The following VPS54 variants were observed in gnomAD, a reference collection of about 807,000 sequenced individuals.
The protein encoded by VPS54 is VPS54 subunit of GARP complex.
In VPS54, 45 loss-of-function variants were observed where a neutral mutation model predicts 121.5. That is an observed-to-expected ratio of 0.37 (90% confidence interval 0.29 to 0.47). The LOEUF is 0.47. VPS54 is among the 20% of genes least tolerant of loss of function. The probability of loss-of-function intolerance (pLI) is 0.99; values close to 1 mark genes in which losing one functional copy is unlikely to be tolerated. For missense variants in VPS54, 1,090 were observed against 1,131.4 expected, an observed-to-expected ratio of 0.96 and a Z score of 0.52; for synonymous variants, 371 against 385.8, an observed-to-expected ratio of 0.96 and a Z score of 0.45.
chr2:63,928,481 G>C (rs1674023650), intron 12 of VPS54, among the ~76,000 whole-genome samples: 1 of 152,136 alleles, frequency 6.6e-6, no homozygotes, highest in African/African-American at 2.4e-5. Context: ...TCACCACCAG[G>C]CCTGCCTTAC....
At chr2:63,971,590 T>A (rs1676286307) in intron 4 of VPS54, among the ~76,000 whole-genome samples, 1 of 152,232 alleles carries the variant, frequency 6.6e-6, no homozygotes, top group South Asian at 2.1e-4. Flanking sequence ...CATAAATGTT[T>A]CAAACTAACG....
chr2:63,988,342 A>G (rs139087920), intron 1 of VPS54, among the ~76,000 whole-genome samples: 1 of 152,348 alleles, frequency 6.6e-6, no homozygotes, highest in East Asian at 1.9e-4. Context: ...CATTCCTGAA[A>G]TAAATCCCAC....
intron 3 of VPS54, among the ~76,000 whole-genome samples, chr2:63,976,813 C>A (rs181872274): frequency 0.012 from 1,746 of 140,636 alleles, 16 homozygotes; most frequent in Non-Finnish European, 0.015. Flanking sequence ...ATACTAGTAG[C>A]TTATATCTTC....
In VPS54 at chr2:63,957,441, C is replaced by CAAA. The variant is rs10551633; in HGVS notation, c.1010+4614_1010+4616dup. On this transcript the variant is annotated intron_variant, in intron 7 of 22. Coordinates refer to ENST00000272322, the MANE Select transcript of VPS54 (RefSeq NM_016516.3). ...TGGGCAACAGAGCAAGACTCCATCT[C>CAAA]AAAAAAAAAAAAAAAAAAAATTTAT... is the stretch of plus-strand genomic sequence containing the variant. Among the ~76,000 whole-genome samples, 289 of 90,128 alleles carry CAAA rather than the reference C, an allele frequency of 3.2e-3. 2 individuals are homozygous for CAAA. The highest frequency in any genetic ancestry group is 0.015 in the South Asian group (37 of 2,392). The allele number at this position is 90,128 out of a possible 152,430, so 59.1% of individuals were successfully genotyped here. A position where few individuals can be genotyped will look rare whatever the true frequency, so the allele number is the denominator to read the frequency against.
intron 11 of VPS54, among the ~76,000 whole-genome samples, chr2:63,940,782 T>C (rs1458012499): frequency 6.6e-6 from 1 of 152,260 alleles, no homozygotes; most frequent in Non-Finnish European, 1.5e-5. Context: ...GTAAGAGTTC[T>C]ATATAACTAG....
rs527304193 is a variant in VPS54, at chr2:63,990,970, A to G, written c.-20-6951T>C. The stretch of plus-strand genomic sequence containing the variant: ...GGACCTTTTGGCAAAAGCTTTTCTA[A>G]CCCCATTAAAGCATTTACAATTTCG... On this transcript the variant is annotated intron_variant, in intron 1 of 22. Transcript: ENST00000272322. 1.3e-3 allele frequency among the ~76,000 whole-genome samples: 195 copies of G among 152,150 alleles called. 5 individuals carry two copies. The South Asian group carries it at 0.039, about 31-fold the overall frequency.
At chr2:63,944,340 C>G (rs1040290651) in intron 10 of VPS54, among the ~76,000 whole-genome samples, 2 of 150,762 alleles carry the variant, frequency 1.3e-5, no homozygotes, top group African/African-American at 5.0e-5. Flanking sequence ...AGTAAAGGTA[C>G]CTATTTCTCC....
At chr2:63,953,743 C>T (rs544362157) in intron 7 of VPS54, among the ~76,000 whole-genome samples, 1 of 152,110 alleles carries the variant, frequency 6.6e-6, no homozygotes, top group East Asian at 1.9e-4. Context: ...TTTTAAATGG[C>T]GACTTATGGT....
At chr2:64,018,080 G>A (rs534940078) in intron 1 of VPS54, among the ~76,000 whole-genome samples, 1 of 152,132 alleles carries the variant, frequency 6.6e-6, no homozygotes, top group Non-Finnish European at 1.5e-5. Flanking sequence ...ATATTTCTCG[G>A]TATACTACAA....
chr2:63,933,182 TAAG>T (rs138012381), intron 12 of VPS54, among the ~76,000 whole-genome samples: 5,481 of 152,300 alleles, frequency 0.036, 126 homozygotes, highest in Middle Eastern at 0.058. Flanking sequence ...TATTTCAAAA[TAAG>T]AAGTTTTTAA....
intron 1 of VPS54, among the ~76,000 whole-genome samples, chr2:64,014,238 G>C (rs1216233760): frequency 6.6e-6 from 1 of 152,096 alleles, no homozygotes; most frequent in Non-Finnish European, 1.5e-5. Context: ...AGTAAATGAA[G>C]ACAAAAGGAT....
chr2:63,979,860 C>T (rs1025845199), intron 3 of VPS54, among the ~76,000 whole-genome samples: 7 of 152,070 alleles, frequency 4.6e-5, no homozygotes, highest in African/African-American at 1.7e-4. Context: ...GAGGTAAAGT[C>T]TTCTAAATGT....
intron 5 of VPS54, among the ~76,000 whole-genome samples, chr2:63,968,213 C>G (rs955092991): frequency 2.0e-5 from 3 of 150,984 alleles, no homozygotes; most frequent in Admixed American, 6.6e-5. Flanking sequence ...GATTATACAT[C>G]TCGACAAAAT....
intron 7 of VPS54, among the ~76,000 whole-genome samples, chr2:63,953,103 C>A (rs1675331848): frequency 6.6e-6 from 1 of 150,562 alleles, no homozygotes; most frequent in Non-Finnish European, 1.5e-5. Context: ...ATCTCACACA[C>A]ACACAACCCC....
At chr2:63,919,014 T>C (rs1047789712) in intron 15 of VPS54, among the ~76,000 whole-genome samples, 4 of 152,118 alleles carry the variant, frequency 2.6e-5, no homozygotes, top group Non-Finnish European at 5.9e-5. Context: ...ATGTGAAGTA[T>C]ACAATTTAAA....
At chr2:63,989,203 A>C (rs557042763) in intron 1 of VPS54, among the ~76,000 whole-genome samples, 1 of 152,212 alleles carries the variant, frequency 6.6e-6, no homozygotes, top group Non-Finnish European at 1.5e-5. Flanking sequence ...GTGCCTGCAC[A>C]GCGGGACCGG....
intron 6 of VPS54, among the ~76,000 whole-genome samples, chr2:63,964,216 T>C (rs536780289): frequency 6.6e-6 from 1 of 152,294 alleles, no homozygotes; most frequent in South Asian, 2.1e-4. Context: ...GGAGTCAGAA[T>C]GTAAATATAG....
intron 12 of VPS54, among the ~76,000 whole-genome samples, chr2:63,926,903 T>C (rs774172663): frequency 3.3e-5 from 5 of 152,098 alleles, no homozygotes; most frequent in South Asian, 2.1e-4. Context: ...GAGTCTGAGA[T>C]CCACCTGGGA....
intron 1 of VPS54, among the ~76,000 whole-genome samples, chr2:63,988,355 G>A (rs888020380): frequency 6.6e-6 from 1 of 152,080 alleles, no homozygotes; most frequent in South Asian, 2.1e-4. Flanking sequence ...AATCCCACTT[G>A]GTCATGATGA....
Sources: gnomAD v4.1 joint callset for allele counts (sites outside exome capture counted in the v4.1 genomes callset) on GRCh38, gnomAD v4.1.1 for gene constraint, MANE v1.5 for transcripts, NCBI Gene and HGNC (gene_info 2026-07-23, HGNC 2026-07-21) for gene names.